Variants in CACNG8 observed in about 807,000 individuals in gnomAD.
CACNG8 encodes calcium voltage-gated channel auxiliary subunit gamma 8.
In CACNG8, 5 loss-of-function variants were observed where a neutral mutation model predicts 26.9. The ratio of observed to expected loss-of-function variants is 0.19; its 90% CI spans 0.10 to 0.39. The LOEUF is 0.39. CACNG8 is among the 10% of genes least tolerant of loss of function. CACNG8 has a pLI of 1.00. For synonymous variants in CACNG8, 321 were observed against 296.7 expected (o/e 1.08, Z -0.84); for missense variants, 473 against 609.4 (o/e 0.78, Z 2.36).
At chr19:53,980,151 C>A in intron 3 of CACNG8, 144 bp downstream of exon 3, 1 of 862,310 alleles carries the variant, frequency 1.2e-6, no homozygotes, top group Non-Finnish European at 1.6e-6. Flanking sequence ...CCCGAGCACC[C>A]CCGGGGGCCC....
rs747921020 is a variant in CACNG8 at position 53,979,922 on chromosome 19, C to T, written c.423C>T (p.Leu141=). Reference sequence around the variant, plus strand: ...TCCTTAGCGCCATCCTGCTGCTGCTCGGGGGTGTGTGCGTGGCGGCCTCCC... The same window carrying T: ...TCCTTAGCGCCATCCTGCTGCTGCTTGGGGGTGTGTGCGTGGCGGCCTCCC... The change falls in exon 3 of 4, where the codon CTC becomes CTT. Residue 141 remains leucine, a synonymous_variant. Transcript: ENST00000270458. The T allele has an allele frequency of 6.8e-6, 11 of 1,612,316 alleles. No homozygotes were observed. The highest frequency in any genetic ancestry group is 6.8e-6 in the Non-Finnish European group (8 of 1,179,108).
chr19:53,964,592 G>T (rs1343601834), intron 1 of CACNG8, among the ~76,000 whole-genome samples: 3 of 151,818 alleles, frequency 2.0e-5, no homozygotes, highest in Non-Finnish European at 2.9e-5. Context: ...TCGGATCTTC[G>T]ACTTGGTTCT....
intron 1 of CACNG8, among the ~76,000 whole-genome samples, chr19:53,968,813 CAAAGGAGTGGAG>C (rs2069286025): frequency 6.9e-6 from 1 of 145,268 alleles, no homozygotes; most frequent in Non-Finnish European, 1.5e-5. Flanking sequence ...GAGAAGTCAC[CAAAGGAGTGGAG>C]AAAGGAGTGG....
intron 1 of CACNG8, among the ~76,000 whole-genome samples, chr19:53,968,690 C>A (rs1316477997): frequency 4.0e-5 from 6 of 148,492 alleles, no homozygotes; most frequent in Non-Finnish European, 7.4e-5. Context: ...ATCCCTTTAA[C>A]CCTGGAGGTG....
Position 53,982,853 on chromosome 19 carries a change from C to G in CACNG8, c.*4C>G. 1 of 1,311,498 alleles carries G rather than the reference C, an allele frequency of 7.6e-7. No homozygotes were observed. Among genetic ancestry groups the G allele is most frequent in the Non-Finnish European group, 9.7e-7 (1 of 1,027,854 alleles). The allele number at this position is 1,311,498 out of a possible 1,614,324, so 81.2% of individuals were successfully genotyped here. ...CAGGAAAACCACGCCTGTGTAGGGG[C>G]GCGGCGGGGGAGCCGAGGGGCGTGT... On this transcript the variant is annotated 3_prime_UTR_variant, in exon 4 of 4. Coordinates refer to ENST00000270458, the MANE Select transcript of CACNG8 (RefSeq NM_031895.6). This position sits in a 1 kb window ranked among gnomAD's most constrained non-coding sequence, Gnocchi z 8.4.
intron 1 of CACNG8, among the ~76,000 whole-genome samples, chr19:53,966,275 A>G (rs929087949): frequency 7.9e-5 from 12 of 151,448 alleles, no homozygotes; most frequent in Admixed American, 1.3e-4. Flanking sequence ...TTTAGTAGAG[A>G]CAGGGTTTTA....
chr19:53,967,969 C>T (rs73600022), intron 1 of CACNG8, among the ~76,000 whole-genome samples: 2,457 of 152,254 alleles, frequency 0.016, 70 homozygotes, highest in African/African-American at 0.055. Context: ...CCATAGCTGG[C>T]TGACCAGTGA....
At chr19:53,969,799 T>C (rs2069291697) in intron 1 of CACNG8, among the ~76,000 whole-genome samples, 1 of 152,178 alleles carries the variant, frequency 6.6e-6, no homozygotes, top group South Asian at 2.1e-4. Flanking sequence ...CTGCTCTGCC[T>C]AAGGAGCGGC....
chr19:53,984,678 C>T lies in CACNG8; in HGVS notation c.*1829C>T, dbSNP rs555730959. On this transcript the variant is annotated 3_prime_UTR_variant, in exon 4 of 4. Transcript: ENST00000270458. ...GTAAAGGTACCAGGGTGGCCGGGCG[C>T]GGTGGCTCATGCCTGTAATCCCAGC... 5.4e-4 allele frequency: 82 copies of T among 152,276 alleles called. No individual in the cohort carries two copies. Among genetic ancestry groups the T allele is most frequent in the Non-Finnish European group, 1.1e-3 (72 of 68,212 alleles). The allele number at this position is 152,276 out of a possible 1,614,324, so 9.4% of individuals were successfully genotyped here.
chr19:53,983,961 A>C lies in CACNG8; in HGVS notation c.*1112A>C, dbSNP rs1414965075. 6.6e-6 allele frequency: 1 copy of C among 152,380 alleles called. No individual in the cohort carries two copies. The highest frequency in any genetic ancestry group is 1.5e-5 in the Non-Finnish European group (1 of 68,126). 9.4% of individuals were successfully genotyped at this position (152,380 alleles called of 1,614,324 possible). On this transcript the variant is annotated 3_prime_UTR_variant, in exon 4 of 4. Coordinates refer to ENST00000270458, the MANE Select transcript of CACNG8 (RefSeq NM_031895.6). ...GTGGTGAGGGCCGTGGAACGGGTTT[A>C]AGCAGGACGCTAACGTGAATGGTGT...
Position 53,976,636 on chromosome 19 carries a change from C to A in CACNG8, c.284-1510C>A, listed in dbSNP as rs149928822. Among the ~76,000 whole-genome samples the A allele has an allele frequency of 5.9e-5, 9 of 152,228 alleles. 1 individual carries two copies. In the East Asian group the frequency reaches 7.7e-4, roughly 13 times the overall value. On this transcript the variant is annotated intron_variant, in intron 1 of 3. Coordinates refer to ENST00000270458, the MANE Select transcript of CACNG8 (RefSeq NM_031895.6). ...GCTTATATTCATTCATTAATTCATTCATTCATTCTTCATTCAACCCTCATT... is the reference window on the plus strand; with the variant it reads ...GCTTATATTCATTCATTAATTCATTAATTCATTCTTCATTCAACCCTCATT...
rs769981108 is a variant in CACNG8, at chr19:53,982,545, C to CCGGCGG, written c.989_994dup (p.Gly330_Gly331dup). The CCGGCGG allele has an allele frequency of 2.3e-3, 2,760 of 1,216,168 alleles. 3 individuals are homozygous for CCGGCGG. Among genetic ancestry groups the CCGGCGG allele is most frequent in the Non-Finnish European group, 2.7e-3 (2,668 of 979,158 alleles). The allele number at this position is 1,216,168 out of a possible 1,614,324, so 75.3% of individuals were successfully genotyped here. Reference sequence around the variant, plus strand: ...AGCGTGGCCGCGGGGCTGGCGGGGGCCGGCGGCGGCGGCGGCGGCGCCGTG... The same window carrying CCGGCGG: ...AGCGTGGCCGCGGGGCTGGCGGGGGCCGGCGGCGGCGGCGGCGGCGGCGGCGCCGTG... On this transcript the variant is annotated inframe_insertion, in exon 4 of 4. Transcript: ENST00000270458. The surrounding 1 kb of genome is among the most constrained non-coding windows in gnomAD (Gnocchi z 8.4).
chr19:53,978,759 AAG>A (rs1377202492), intron 2 of CACNG8, among the ~76,000 whole-genome samples: 6 of 125,470 alleles, frequency 4.8e-5, no homozygotes, highest in Admixed American at 8.5e-5. Context: ...TGCAGAGAAA[AAG>A]AGGAGGGCGG....
At chr19:53,974,782 T>C (rs1469339804) in intron 1 of CACNG8, among the ~76,000 whole-genome samples, 60 of 137,660 alleles carry the variant, frequency 4.4e-4, no homozygotes, top group East Asian at 1.4e-3. Context: ...GCTGGGACTA[T>C]AGGCACACAC....
rs1418944098 is a variant in CACNG8 at position 53,982,385 on chromosome 19, C to T, written c.814C>T (p.Arg272Cys). 3.3e-6 allele frequency: 5 copies of T among 1,529,110 alleles called. No individual in the cohort carries two copies. The African/African-American group carries it at 4.2e-5, about 13-fold the overall frequency. The allele number at this position is 1,529,110 out of a possible 1,614,324, so 94.7% of individuals were successfully genotyped here. ...GCCCAGTTACCGCTTCCGCTACCGC[C>T]GCCGCTCCCGCTCTAGCTCCCGCTC... Residue 272 changes from arginine (R) to cysteine (C), a missense_variant, in exon 4 of 4, where the codon CGC becomes TGC. Coordinates refer to ENST00000270458, the MANE Select transcript of CACNG8 (RefSeq NM_031895.6). This position sits in a 1 kb window ranked among gnomAD's most constrained non-coding sequence, Gnocchi z 8.4.
rs2069379857 is a variant in CACNG8, at chr19:53,982,681, C to T, written c.1110C>T (p.Asn370=). 3 of 1,123,374 alleles carry T rather than the reference C, an allele frequency of 2.7e-6. No homozygotes were observed. The highest frequency in any genetic ancestry group is 1.7e-5 in the African/African-American group (1 of 60,096). The allele number at this position is 1,123,374 out of a possible 1,614,324, so 69.6% of individuals were successfully genotyped here. A position where few individuals can be genotyped will look rare whatever the true frequency, so the allele number is the denominator to read the frequency against. ...CGTCCGGCTTCCTCACGCTGCACAACGCCTTCCCCAAGGAGGCGGGCGGCG... is the reference window on the plus strand; with the variant it reads ...CGTCCGGCTTCCTCACGCTGCACAATGCCTTCCCCAAGGAGGCGGGCGGCG... Residue 370 remains asparagine, a synonymous_variant, in exon 4 of 4, where the codon AAC becomes AAT. Coordinates refer to ENST00000270458, the MANE Select transcript of CACNG8 (RefSeq NM_031895.6). This position sits in a 1 kb window ranked among gnomAD's most constrained non-coding sequence, Gnocchi z 8.4.
intron 1 of CACNG8, among the ~76,000 whole-genome samples, chr19:53,975,776 G>A (rs576906865): frequency 2.8e-4 from 43 of 152,342 alleles, no homozygotes; most frequent in Non-Finnish European, 6.0e-4. Flanking sequence ...CAGCCCAGAT[G>A]CTCACATTCA....
Position 53,982,636 on chromosome 19 carries a change from C to T in CACNG8, c.1065C>T (p.Ala355=), listed in dbSNP as rs2069379080. ...GCGGAGGCGGCGGCGGGGCGGGTGC[C>T]GAGCGGGACCGCGGGGGGGCGTCCG... is the stretch of plus-strand genomic sequence containing the variant. Residue 355 remains alanine (A), a synonymous_variant, in exon 4 of 4, where the codon GCC becomes GCT. Coordinates refer to ENST00000270458, the MANE Select transcript of CACNG8 (RefSeq NM_031895.6). This position sits in a 1 kb window ranked among gnomAD's most constrained non-coding sequence, Gnocchi z 8.4. 27 of 1,024,100 alleles carry T rather than the reference C, an allele frequency of 2.6e-5. No homozygotes were observed. In the East Asian group the frequency reaches 5.1e-4, roughly 19 times the overall value. The allele number at this position is 1,024,100 out of a possible 1,614,324, so 63.4% of individuals were successfully genotyped here.
At chr19:53,966,558 A>T (rs903292328) in intron 1 of CACNG8, among the ~76,000 whole-genome samples, 1 of 151,782 alleles carries the variant, frequency 6.6e-6, no homozygotes, top group Admixed American at 6.6e-5. Flanking sequence ...AACTACAGGC[A>T]CATGCCCCCA....
Sources: gnomAD v4.1 joint callset for allele counts (sites outside exome capture counted in the v4.1 genomes callset) on GRCh38, gnomAD v4.1.1 for gene constraint, Gnocchi (gnomAD v3.1) non-coding constraint, MANE v1.5 for transcripts, NCBI Gene and HGNC (gene_info 2026-07-23, HGNC 2026-07-21) for gene names.